The following NPHP1 variants were observed in gnomAD, a reference collection of about 807,000 sequenced individuals.
NPHP1 encodes nephrocystin-1.
A neutral mutation model predicts 90.4 loss-of-function variants in NPHP1; 70 were observed. That is an observed-to-expected ratio of 0.77 (90% CI 0.64 to 0.95). NPHP1 has a LOEUF of 0.95. Among genes scored for constraint, NPHP1 ranks in the 40% least tolerant of loss-of-function variants. The pLI is 0.00. For synonymous variants in NPHP1, 256 were observed against 271.7 expected, an observed-to-expected ratio of 0.94 and a Z score of 0.57; for missense variants, 764 against 795.9, an observed-to-expected ratio of 0.96 and a Z score of 0.48.
At chr2:110,173,242 C>T (rs1683289567) in intron 4 of NPHP1, among the ~76,000 whole-genome samples, 1 of 152,016 alleles carries the variant, frequency 6.6e-6, no homozygotes, top group Non-Finnish European at 1.5e-5. Context: ...TGGCCACATG[C>T]AGTGATTTCT....
In NPHP1 at chr2:110,155,538, G is replaced by T. The variant is rs1357683937; in HGVS notation, c.1083+4589C>A. Among the ~76,000 whole-genome samples the T allele has an allele frequency of 2.6e-5, 4 of 152,164 alleles. 1 individual carries two copies. The highest frequency in any genetic ancestry group is 5.9e-5 in the Non-Finnish European group (4 of 68,032). On this transcript the variant is annotated intron_variant, in intron 11 of 19. Coordinates refer to ENST00000445609, the MANE Select transcript of NPHP1 (RefSeq NM_001128178.3). ...GCAGCCAGGAGTGGGGTTATACCCT[G>T]CAAAACAACAGGGGCTGAGCTGCCC...
At chr2:110,125,803 CA>C (rs1679317709) in intron 18 of NPHP1, 122 bp from the exon 19 acceptor site, 1 of 822,844 alleles carries the variant, frequency 1.2e-6, no homozygotes, top group Middle Eastern at 2.3e-4. Flanking sequence ...AGATTCTATA[CA>C]AGCAAGAAGT....
chr2:110,180,007 C>T (rs1052864675), intron 2 of NPHP1, among the ~76,000 whole-genome samples: 2 of 152,148 alleles, frequency 1.3e-5, no homozygotes, highest in African/African-American at 4.8e-5. Flanking sequence ...AGGAACTAGC[C>T]TCAGAGACAA....
At chr2:110,184,675 C>A in intron 2 of NPHP1, 1 of 749,586 alleles carries the variant, frequency 1.3e-6, no homozygotes, top group Non-Finnish European at 2.4e-6. Flanking sequence ...GATTTCCACT[C>A]ATCGTTTGAG....
chr2:110,158,212 G>T (rs1682049227), intron 11 of NPHP1, among the ~76,000 whole-genome samples: 1 of 152,002 alleles, frequency 6.6e-6, no homozygotes, highest in African/African-American at 2.4e-5. Flanking sequence ...TTTGTTTTCT[G>T]ACCCAGGACC....
At chr2:110,144,051 G>C (rs1559057025) in intron 15 of NPHP1, 1 of 319,930 alleles carries the variant, frequency 3.1e-6, no homozygotes, top group Non-Finnish European at 5.9e-6. Flanking sequence ...TGAGCCCCAT[G>C]AGGCAATGAC....
intron 2 of NPHP1, among the ~76,000 whole-genome samples, chr2:110,182,152 G>A (rs945638165): frequency 6.6e-6 from 1 of 152,014 alleles, no homozygotes; most frequent in African/African-American, 2.4e-5. Context: ...GACCAAACCC[G>A]TGACTTATTG....
chr2:110,165,167 T>G lies in NPHP1; in HGVS notation c.625-12A>C. On this transcript the variant is annotated splice_polypyrimidine_tract_variant and intron_variant, in intron 6 of 19. Transcript: ENST00000445609. ...TCTTCACTATAAGGCTAAAAAACCA[T>G]TGAAATGTGAAGTGCTTTTTAACTA... is the stretch of plus-strand genomic sequence containing the variant. The G allele has an allele frequency of 6.2e-7, 1 of 1,600,198 alleles. No homozygotes were observed. Among genetic ancestry groups the G allele is most frequent in the Non-Finnish European group, 8.6e-7 (1 of 1,167,648 alleles).
rs1371830267 is a variant in NPHP1, at chr2:110,167,162, A to G, written c.624+1290T>C. 2.0e-5 allele frequency among the ~76,000 whole-genome samples: 3 copies of G among 152,220 alleles called. No individual in the cohort carries two copies. In the East Asian group the frequency reaches 5.8e-4, roughly 29 times the overall value. On this transcript the variant is annotated intron_variant, in intron 6 of 19. Transcript: ENST00000445609. ...TCTTTGTCACTGATTCCTGGCACAG[A>G]GCTCCTGAAACCCTTGGAATTTCCT... is the stretch of plus-strand genomic sequence containing the variant.
intron 16 of NPHP1, among the ~76,000 whole-genome samples, chr2:110,132,693 G>T (rs1227871534): frequency 6.6e-6 from 1 of 152,074 alleles, no homozygotes; most frequent in Non-Finnish European, 1.5e-5. Flanking sequence ...AGTATGGAGT[G>T]CTTAATGTAG....
At chr2:110,196,945 A>G (rs949515166) in intron 2 of NPHP1, among the ~76,000 whole-genome samples, 2 of 152,204 alleles carry the variant, frequency 1.3e-5, no homozygotes, top group Non-Finnish European at 2.9e-5. Context: ...AATACTGTGC[A>G]GCCATAAAAA....
At chr2:110,135,553 T>A (rs1680117926) in intron 16 of NPHP1, among the ~76,000 whole-genome samples, 1 of 148,668 alleles carries the variant, frequency 6.7e-6, no homozygotes, top group South Asian at 2.1e-4. Context: ...ATACTGGGAA[T>A]GTATCATGCA....
rs193002808 is a variant in NPHP1, at chr2:110,141,783, C to T, written c.1529+1759G>A. 4.0e-3 allele frequency among the ~76,000 whole-genome samples: 611 copies of T among 151,714 alleles called. 10 individuals are homozygous for T. The highest frequency in any genetic ancestry group is 0.014 in the African/African-American group (596 of 41,372). ...GTCAGGAGTTCGAGACCATCCTGGC[C>T]AACATGGTGAAACCCTGTCTCTACT... On this transcript the variant is annotated intron_variant, in intron 16 of 19. Coordinates refer to ENST00000445609, the MANE Select transcript of NPHP1 (RefSeq NM_001128178.3).
At chr2:110,165,279 A>G (rs1008784169) in intron 6 of NPHP1, 124 bp from the exon 7 acceptor site, 2 of 763,512 alleles carry the variant, frequency 2.6e-6, no homozygotes, top group South Asian at 3.0e-5. Context: ...TAAAAACAAA[A>G]AAACAAAAGC....
rs534052463 is a variant in NPHP1, at chr2:110,131,732, C to G, written c.1589G>C (p.Arg530Pro). The change falls in exon 17 of 20, where the codon CGA becomes CCA. Residue 530 changes from arginine (R) to proline (P), a missense_variant. Transcript: ENST00000445609. ...MCSIHLLIFY[R>P]QILGDVLLKD... is the part of the protein sequence containing the mutation. ...CAGGAGCACATCTCCAAGAATTTGT[C>G]GATAAAATATCAACAAGTGAATAGA... 6.2e-7 allele frequency: 1 copy of G among 1,613,204 alleles called. No individual in the cohort carries two copies.
At chr2:110,172,386 C>T (rs6738643) in intron 4 of NPHP1, among the ~76,000 whole-genome samples, 11,750 of 152,016 alleles carry the variant, frequency 0.077, 674 homozygotes, top group African/African-American at 0.17. Flanking sequence ...TTTATTATTT[C>T]TTTCCTGCTC....
rs910571059 is a variant in NPHP1 at position 110,176,884 on chromosome 2, G to A, written c.329+1539C>T. Among the ~76,000 whole-genome samples, 2 of 152,178 alleles carry A rather than the reference G, an allele frequency of 1.3e-5. 1 individual carries two copies. Among genetic ancestry groups the A allele is most frequent in the Non-Finnish European group, 2.9e-5 (2 of 68,030 alleles). On this transcript the variant is annotated intron_variant, in intron 4 of 19. Coordinates refer to ENST00000445609, the MANE Select transcript of NPHP1 (RefSeq NM_001128178.3). ...TCTCCCAGCAGGTACTTTCTGCCAGGCCTTGCAGGCATCATGCCCTATACA... is the reference window on the plus strand; with the variant it reads ...TCTCCCAGCAGGTACTTTCTGCCAGACCTTGCAGGCATCATGCCCTATACA...
At chr2:110,146,575 T>G (rs1189403767) in intron 14 of NPHP1, among the ~76,000 whole-genome samples, 178 bp downstream of exon 14, 2 of 152,128 alleles carry the variant, frequency 1.3e-5, no homozygotes, top group Non-Finnish European at 2.9e-5. Flanking sequence ...TCTTCCTCCT[T>G]AGGATGAGAC....
At chr2:110,153,733 G>A (rs759700474) in intron 11 of NPHP1, among the ~76,000 whole-genome samples, 19 of 152,110 alleles carry the variant, frequency 1.2e-4, no homozygotes, top group Non-Finnish European at 2.4e-4. Context: ...TGTAATCTCA[G>A]CACTTTGGGA....
Sources: gnomAD v4.1 joint callset for allele counts (sites outside exome capture counted in the v4.1 genomes callset) on GRCh38, gnomAD v4.1.1 for gene constraint, MANE v1.5 for transcripts, NCBI Gene and HGNC (gene_info 2026-07-23, HGNC 2026-07-21) for gene names.